MLLT6: variants seen among roughly 807,000 people sequenced by gnomAD.
MLLT6 encodes protein AF-17.
MLLT6 carries 22 observed loss-of-function variants against 103.0 expected under a neutral mutation model. The ratio of observed to expected loss-of-function variants is 0.21; its 90% CI spans 0.15 to 0.31. The LOEUF (loss-of-function observed/expected upper bound fraction) is 0.31, where lower values mean the gene tolerates loss of function less well. Among genes scored for constraint, MLLT6 ranks in the 10% least tolerant of loss-of-function variants. The probability of loss-of-function intolerance (pLI) is 1.00; values close to 1 mark genes in which losing one functional copy is unlikely to be tolerated. For synonymous variants in MLLT6, 606 were observed against 623.5 expected (o/e 0.97, Z 0.42); for missense variants, 1,199 against 1,441.7 (o/e 0.83, Z 2.73).
chr17:38,717,673 G>A (rs1905423727), intron 11 of MLLT6, 60 bp downstream of exon 11: 4 of 1,562,518 alleles, frequency 2.6e-6, no homozygotes, highest in South Asian at 1.1e-5. Flanking sequence ...ACTGACAGAG[G>A]ACCCCAGCCT....
chr17:38,727,558 T>G lies in MLLT6; in HGVS notation c.*1960T>G, dbSNP rs1174426496. The G allele has an allele frequency of 1.0e-5, 2 of 199,794 alleles. No individual in the cohort carries two copies. Among genetic ancestry groups the G allele is most frequent in the Admixed American group, 1.2e-4 (2 of 16,560 alleles). The allele number at this position is 199,794 out of a possible 1,614,324, so 12.4% of individuals were successfully genotyped here. ...TGGCTCACGCCTGTAATCCCAACAC[T>G]TTGGGAGGCTGAGGCGGGCGGATCA... On this transcript the variant is annotated 3_prime_UTR_variant, in exon 20 of 20. Transcript: ENST00000621332.
chr17:38,720,262 G>A, intron 14 of MLLT6, 110 bp from the exon 15 acceptor site: 2 of 1,083,714 alleles, frequency 1.8e-6, no homozygotes, highest in Non-Finnish European at 2.6e-6. Flanking sequence ...TTAGGATGGC[G>A]CCGCCTTTTC....
At chr17:38,711,145 G>A (rs1905129033) in intron 6 of MLLT6, among the ~76,000 whole-genome samples, 1 of 152,174 alleles carries the variant, frequency 6.6e-6, no homozygotes, top group Non-Finnish European at 1.5e-5. Context: ...CAGTTGGGAG[G>A]TAGCTGGTGA....
At position 38,709,283 on chromosome 17, in the gene MLLT6, C is replaced by A. The variant is rs1490761529; in HGVS notation, c.458+7C>A. Reference sequence around the variant, plus strand: ...AAGCTTTCCACGTCACCTGGTGAGACCCCTGTCCCACCCCCCTGCCCCCCG... The same window carrying A: ...AAGCTTTCCACGTCACCTGGTGAGAACCCTGTCCCACCCCCCTGCCCCCCG... On this transcript the variant is annotated splice_region_variant and intron_variant, in intron 5 of 19. Coordinates refer to ENST00000621332, the MANE Select transcript of MLLT6 (RefSeq NM_005937.4). The surrounding 1 kb of genome is among the most constrained non-coding windows in gnomAD (Gnocchi z 4.3). 1.4e-5 allele frequency: 22 copies of A among 1,610,320 alleles called. No homozygotes were observed. The highest frequency in any genetic ancestry group is 1.9e-5 in the Non-Finnish European group (22 of 1,176,678).
In MLLT6 at chr17:38,724,058, AC is replaced by A. The variant is rs1393658108; in HGVS notation, c.2884-560del. Among the ~76,000 whole-genome samples, 8 of 151,982 alleles carry A rather than the reference AC, an allele frequency of 5.3e-5. No individual in the cohort carries two copies. The highest frequency in any genetic ancestry group is 2.9e-5 in the Non-Finnish European group (2 of 68,006). On this transcript the variant is annotated intron_variant, in intron 18 of 19. Coordinates refer to ENST00000621332, the MANE Select transcript of MLLT6 (RefSeq NM_005937.4). The surrounding 1 kb of genome is among the most constrained non-coding windows in gnomAD (Gnocchi z 5.4). ...GTGTCCGGCGAATTGAAAACTATTG[AC>A]CTAGTCAGTAGTTTTGGCGAAACCC...
At chr17:38,720,150 A>T in intron 14 of MLLT6, 1 of 692,792 alleles carries the variant, frequency 1.4e-6, no homozygotes, top group Non-Finnish European at 2.4e-6. Flanking sequence ...TTCTCTCCTG[A>T]CCCGTGTGGC....
Position 38,712,676 on chromosome 17 carries a change from C to A in MLLT6, c.721-15C>A, listed in dbSNP as rs1353788287. ...AGCCCCCCAGCACAATATCTAGTCA[C>A]CTCTCCCTCTCCAGAGTCGAAAGGA... On this transcript the variant is annotated splice_polypyrimidine_tract_variant and intron_variant, in intron 7 of 19. Transcript: ENST00000621332. 6.3e-7 allele frequency: 1 copy of A among 1,584,024 alleles called. No individual in the cohort carries two copies. The highest frequency in any genetic ancestry group is 8.7e-7 in the Non-Finnish European group (1 of 1,152,662).
Position 38,709,597 on chromosome 17 carries a change from A to G in MLLT6, c.552+22A>G. 1.9e-6 allele frequency: 3 copies of G among 1,586,304 alleles called. No individual in the cohort carries two copies. The highest frequency in any genetic ancestry group is 1.7e-5 in the Admixed American group (1 of 59,976). On this transcript the variant is annotated intron_variant, in intron 6 of 19. Coordinates refer to ENST00000621332, the MANE Select transcript of MLLT6 (RefSeq NM_005937.4). The surrounding 1 kb of genome is among the most constrained non-coding windows in gnomAD (Gnocchi z 4.3). ...GATGGTGAGTCCTGGCGACCAGCGC[A>G]TGAGCGGGTCAGTCAGCTGTGGTAA...
chr17:38,716,307 G>C lies in MLLT6; in HGVS notation c.1037-60G>C. On this transcript the variant is annotated intron_variant, in intron 9 of 19. Coordinates refer to ENST00000621332, the MANE Select transcript of MLLT6 (RefSeq NM_005937.4). This position sits in a 1 kb window ranked among gnomAD's most constrained non-coding sequence, Gnocchi z 5.6. ...AGCTCTCTCCCGCCAGTACACGCGG[G>C]AGTGGGAGGGAGTGCGGGGATCTGG... The C allele has an allele frequency of 6.5e-7, 1 of 1,537,498 alleles. No individual in the cohort carries two copies. Among genetic ancestry groups the C allele is most frequent in the Non-Finnish European group, 8.8e-7 (1 of 1,133,118 alleles).
chr17:38,707,573 G>A (rs1358800496), intron 3 of MLLT6, 33 bp downstream of exon 3: 5 of 1,604,452 alleles, frequency 3.1e-6, no homozygotes, highest in Non-Finnish European at 4.3e-6. Flanking sequence ...GGTCAGCAGG[G>A]CCCCCTGAGC....
At chr17:38,719,171 A>G in intron 12 of MLLT6, 1 of 364,652 alleles carries the variant, frequency 2.7e-6, no homozygotes, top group East Asian at 4.7e-5. Context: ...GCCCAAGGTC[A>G]CAAAAGTTGA....
At chr17:38,710,246 G>A (rs1030456425) in intron 6 of MLLT6, among the ~76,000 whole-genome samples, 1 of 152,172 alleles carries the variant, frequency 6.6e-6, no homozygotes, top group African/African-American at 2.4e-5. Context: ...AGCAGAGCCC[G>A]AGCTGGGCTT....
chr17:38,714,438 A>G (rs1905245437), intron 8 of MLLT6: 1 of 152,284 alleles, frequency 6.6e-6, no homozygotes, highest in African/African-American at 2.4e-5. Context: ...GACTTTGCAC[A>G]GTATAACATG....
intron 6 of MLLT6, among the ~76,000 whole-genome samples, chr17:38,710,877 G>A (rs1422610037): frequency 2.0e-5 from 3 of 152,204 alleles, no homozygotes; most frequent in African/African-American, 4.8e-5. Context: ...ACAAGGTAGC[G>A]AGCTTGGCTT....
At chr17:38,720,994 G>A (rs1412043578) in intron 16 of MLLT6, 2 of 577,830 alleles carry the variant, frequency 3.5e-6, no homozygotes, top group Admixed American at 3.2e-5. Context: ...CCCAAGCAAA[G>A]AAGGAGTAAT....
chr17:38,705,954 C>G (rs1474215325), intron 1 of MLLT6: 7 of 241,418 alleles, frequency 2.9e-5, no homozygotes, highest in Non-Finnish European at 4.7e-5. Flanking sequence ...TCCGCGCCCC[C>G]CACCCTAAGT....
At position 38,716,687 on chromosome 17, in the gene MLLT6, G is replaced by T. The variant is rs1437904235; in HGVS notation, c.1357G>T (p.Val453Leu). 3.1e-6 allele frequency: 5 copies of T among 1,612,894 alleles called. No individual in the cohort carries two copies. The East Asian group carries it at 8.9e-5, about 29-fold the overall frequency. ...KRMPALSATP[V>L]PADETPETGL... Reference sequence around the variant, plus strand: ...GATGCCCGCACTGAGTGCCACCCCTGTGCCTGCTGATGAGACCCCTGAGAC... The same window carrying T: ...GATGCCCGCACTGAGTGCCACCCCTTTGCCTGCTGATGAGACCCCTGAGAC... Residue 453 changes from valine to leucine, a missense_variant, in exon 10 of 20, where the codon GTG (valine) becomes TTG (leucine). Around this residue, in one of 7 missense-constraint regions of MLLT6, gnomAD observed 1,034 missense variants for 1,091.5 expected, o/e 0.95. Coordinates refer to ENST00000621332, the MANE Select transcript of MLLT6 (RefSeq NM_005937.4). This position sits in a 1 kb window ranked among gnomAD's most constrained non-coding sequence, Gnocchi z 5.6.
Position 38,725,547 on chromosome 17 carries a change from C to T in MLLT6, c.3241-10C>T. On this transcript the variant is annotated splice_polypyrimidine_tract_variant and intron_variant, in intron 19 of 19. Transcript: ENST00000621332. ...TTCCACACCCCCGGCCTCCCTCCCT[C>T]TCTTTCCAGACCGCTGACAAAGGAG... is the stretch of plus-strand genomic sequence containing the variant. The T allele has an allele frequency of 6.2e-7, 1 of 1,607,774 alleles. No homozygotes were observed. The highest frequency in any genetic ancestry group is 8.5e-7 in the Non-Finnish European group (1 of 1,177,310).
At chr17:38,715,441 T>C in intron 8 of MLLT6, 171 bp from the exon 9 acceptor site, 1 of 1,172,230 alleles carries the variant, frequency 8.5e-7, no homozygotes, top group Non-Finnish European at 1.1e-6. Context: ...TGCCTCCCCA[T>C]ATCCCTGGTC....
Sources: gnomAD v4.1 joint callset for allele counts (sites outside exome capture counted in the v4.1 genomes callset) on GRCh38, gnomAD v4.1.1 for gene constraint, gnomAD v4.1.1 regional missense constraint, Gnocchi (gnomAD v3.1) non-coding constraint, MANE v1.5 for transcripts, NCBI Gene and HGNC (gene_info 2026-07-23, HGNC 2026-07-21) for gene names.